EHBP1: variants seen among roughly 807,000 people sequenced by gnomAD.
The protein encoded by EHBP1 is EH domain binding protein 1.
Under a neutral mutation model 144.0 loss-of-function variants are expected in EHBP1, and 55 were observed. That is an observed-to-expected ratio of 0.38 (90% CI 0.31 to 0.48). The LOEUF is 0.48. EHBP1 is among the 20% of genes least tolerant of loss of function. The probability of loss-of-function intolerance (pLI) is 0.98; values close to 1 mark genes in which losing one functional copy is unlikely to be tolerated. For missense variants in EHBP1, 1,200 were observed against 1,364.2 expected (o/e 0.88, Z 1.90); for synonymous variants, 469 against 472.7 (o/e 0.99, Z 0.10).
chr2:62,783,459 C>G (rs1285786094), intron 5 of EHBP1, among the ~76,000 whole-genome samples: 1 of 152,252 alleles, frequency 6.6e-6, no homozygotes. Flanking sequence ...GCCCCTGCAG[C>G]AAACTTCTAT....
At position 63,026,294 on chromosome 2, in the gene EHBP1, T is replaced by TTGTGTGTGTGTG. The variant is rs60109170; in HGVS notation, c.3104-11201_3104-11190dup. On this transcript the variant is annotated intron_variant, in intron 19 of 22. Transcript: ENST00000431489. ...TGAGTAATGAATATGGCTCTCTACC[T>TTGTGTGTGTGTG]TGTGTGTGTGTGTGTGTGTGTGTGT... Among the ~76,000 whole-genome samples the TTGTGTGTGTGTG allele has an allele frequency of 1.8e-3, 234 of 129,098 alleles. 1 individual carries two copies. Among genetic ancestry groups the TTGTGTGTGTGTG allele is most frequent in the East Asian group, 8.4e-3 (35 of 4,182 alleles). 84.7% of individuals were successfully genotyped at this position (129,098 alleles called of 152,430 possible). A position where few individuals can be genotyped will look rare whatever the true frequency, so the allele number is the denominator to read the frequency against.
intron 10 of EHBP1, among the ~76,000 whole-genome samples, chr2:62,942,409 GGTATTTAGCCTTAA>G (rs2056810656): frequency 6.6e-6 from 1 of 152,170 alleles, no homozygotes; most frequent in Non-Finnish European, 1.5e-5. Context: ...GAATTACATA[GGTATTTAGCCTTAA>G]GTATTTCAAA....
At chr2:62,920,460 C>A (rs2054981611) in intron 10 of EHBP1, among the ~76,000 whole-genome samples, 2 of 152,148 alleles carry the variant, frequency 1.3e-5, no homozygotes. Flanking sequence ...TAGGTTTGCC[C>A]TGCAAGAAGT....
At chr2:62,997,899 G>A (rs1025037027) in intron 19 of EHBP1, among the ~76,000 whole-genome samples, 1 of 152,022 alleles carries the variant, frequency 6.6e-6, no homozygotes, top group Non-Finnish European at 1.5e-5. Context: ...GAGAATAAGG[G>A]AGCAGAAAGT....
intron 5 of EHBP1, among the ~76,000 whole-genome samples, chr2:62,780,469 A>C (rs575180735): frequency 2.0e-5 from 3 of 152,078 alleles, no homozygotes; most frequent in Non-Finnish European, 4.4e-5. Context: ...ATATATATAT[A>C]TCTCTCCTCC....
At chr2:62,881,897 G>A (rs1302783827) in intron 10 of EHBP1, 1 of 152,124 alleles carries the variant, frequency 6.6e-6, no homozygotes, top group Non-Finnish European at 1.5e-5. Context: ...AGCTGGTAAT[G>A]TTAAAAATGA....
At chr2:62,781,216 G>A (rs1412375499) in intron 5 of EHBP1, among the ~76,000 whole-genome samples, 1 of 151,984 alleles carries the variant, frequency 6.6e-6, no homozygotes, top group African/African-American at 2.4e-5. Context: ...GTTAGGGGAG[G>A]CTTTCTATTG....
chr2:62,840,577 C>T (rs1210929285), intron 7 of EHBP1, among the ~76,000 whole-genome samples: 33 of 151,412 alleles, frequency 2.2e-4, no homozygotes, highest in Admixed American at 7.9e-4. Context: ...AGAAAATTTT[C>T]GCAACCTACT....
chr2:63,024,301 A>G (rs1056110123), intron 19 of EHBP1, among the ~76,000 whole-genome samples: 1 of 152,224 alleles, frequency 6.6e-6, no homozygotes, highest in African/African-American at 2.4e-5. Flanking sequence ...CCAAGACTGC[A>G]CAATTGCACT....
chr2:62,961,841 C>G (rs1286714268), intron 14 of EHBP1, among the ~76,000 whole-genome samples: 4 of 151,898 alleles, frequency 2.6e-5, no homozygotes, highest in Non-Finnish European at 5.9e-5. Context: ...ACCAGCGTGA[C>G]CAACATGGTG....
At chr2:62,684,617 C>A (rs2033657352) in intron 1 of EHBP1, among the ~76,000 whole-genome samples, 1 of 152,216 alleles carries the variant, frequency 6.6e-6, no homozygotes, top group South Asian at 2.1e-4. Flanking sequence ...CCATTATTAC[C>A]AGCATTTGTC....
At chr2:62,710,084 T>G (rs1179245916) in intron 2 of EHBP1, among the ~76,000 whole-genome samples, 3 of 152,178 alleles carry the variant, frequency 2.0e-5, no homozygotes, top group African/African-American at 7.2e-5. Context: ...GAGATGAGTT[T>G]GAAAGAGACT....
chr2:62,852,096 A>G (rs974173213), intron 7 of EHBP1, among the ~76,000 whole-genome samples: 3 of 152,164 alleles, frequency 2.0e-5, no homozygotes, highest in East Asian at 3.8e-4. Flanking sequence ...GACTAACTCT[A>G]ATACTTCTTC....
chr2:62,997,532 C>T (rs2059689221), intron 19 of EHBP1, among the ~76,000 whole-genome samples: 1 of 147,860 alleles, frequency 6.8e-6, no homozygotes, highest in Admixed American at 6.8e-5. Flanking sequence ...ATCATTCATA[C>T]CAAATTATAA....
intron 19 of EHBP1, among the ~76,000 whole-genome samples, chr2:63,004,227 T>G (rs948599252): frequency 8.5e-5 from 13 of 152,078 alleles, no homozygotes; most frequent in Admixed American, 3.3e-4. Context: ...TGGATTTTCT[T>G]TGGTAACAGT....
intron 5 of EHBP1, among the ~76,000 whole-genome samples, chr2:62,796,310 T>C (rs1049489337): frequency 1.3e-5 from 2 of 152,096 alleles, no homozygotes; most frequent in African/African-American, 4.8e-5. Flanking sequence ...TGAATTACCT[T>C]TGTTAATTTA....
chr2:62,981,082 A>G (rs553605485), intron 15 of EHBP1, among the ~76,000 whole-genome samples: 1 of 150,666 alleles, frequency 6.6e-6, no homozygotes, highest in East Asian at 1.9e-4. Flanking sequence ...AAAAAAAAAA[A>G]AAAAAAAAGA....
At chr2:62,751,807 A>G (rs940138401) in intron 3 of EHBP1, among the ~76,000 whole-genome samples, 3 of 152,198 alleles carry the variant, frequency 2.0e-5, no homozygotes, top group African/African-American at 7.2e-5. Flanking sequence ...GGTAGTTTGT[A>G]TTTTTATGGG....
At chr2:62,751,482 G>T (rs529446173) in intron 3 of EHBP1, among the ~76,000 whole-genome samples, 1 of 152,276 alleles carries the variant, frequency 6.6e-6, no homozygotes, top group Non-Finnish European at 1.5e-5. Context: ...TTGGTATCAG[G>T]ATGATGCTGG....
Sources: allele counts gnomAD v4.1 joint callset (sites outside exome capture counted in the v4.1 genomes callset), GRCh38; gene constraint gnomAD v4.1.1; transcripts MANE v1.5; gene names NCBI Gene and HGNC (gene_info 2026-07-23, HGNC 2026-07-21).